DNAH10: variants seen among roughly 807,000 people sequenced by gnomAD.
DNAH10 encodes axonemal beta dynein heavy chain 10.
In DNAH10, 348 loss-of-function variants were observed where a neutral mutation model predicts 506.6. The ratio of observed to expected loss-of-function variants is 0.69; its 90% CI spans 0.63 to 0.75. DNAH10 has a LOEUF of 0.75. Among genes scored for constraint, DNAH10 ranks in the 30% least tolerant of loss-of-function variants. The probability of loss-of-function intolerance (pLI) is 0.00; values close to 1 mark genes in which losing one functional copy is unlikely to be tolerated. For missense variants in DNAH10, 5,179 were observed against 5,787.1 expected (o/e 0.89, Z 3.41); for synonymous variants, 2,059 against 2,198.6 (o/e 0.94, Z 1.78).
At chr12:123,867,811 C>G in intron 42 of DNAH10, 92 bp from the exon 43 acceptor site, 1 of 1,405,278 alleles carries the variant, frequency 7.1e-7, no homozygotes, top group Non-Finnish European at 9.8e-7. Context: ...GCTCCCATCG[C>G]TCTGGGACCT....
chr12:123,808,646 G>A (rs1469025998), intron 18 of DNAH10, 151 bp from the exon 19 acceptor site: 4 of 735,578 alleles, frequency 5.4e-6, no homozygotes, highest in Non-Finnish European at 9.0e-6. Flanking sequence ...AGTATTTTAA[G>A]TAAGACTCAC....
At chr12:123,893,583 G>A in intron 53 of DNAH10, 147 bp downstream of exon 53, 1 of 871,048 alleles carries the variant, frequency 1.1e-6, no homozygotes, top group Non-Finnish European at 1.8e-6. Context: ...ACTGTAGCTT[G>A]GGGCTCACTG....
Position 123,853,307 on chromosome 12 carries a change from G to T in DNAH10, c.6393G>T (p.Leu2131=), listed in dbSNP as rs772609937. The T allele has an allele frequency of 6.2e-7, 1 of 1,612,422 alleles. No individual in the cohort carries two copies. The highest frequency in any genetic ancestry group is 8.5e-7 in the Non-Finnish European group (1 of 1,179,264). The change falls in exon 36 of 79, where the codon CTG becomes CTT. Residue 2131 remains leucine, a synonymous_variant. Coordinates refer to ENST00000673944, the MANE Select transcript of DNAH10 (RefSeq NM_001372106.1). The surrounding 1 kb of genome is among the most constrained non-coding windows in gnomAD (Gnocchi z 4.7). ...DFGLRALKSV[L]VMAGELKRGS... is the part of the protein sequence containing the mutation. ...GACTCAGAGCCCTGAAATCGGTGCT[G>T]GTCATGGCTGGTGAGCTGAAGAGAG...
chr12:123,848,713 CAT>C lies in DNAH10; in HGVS notation c.5950-16_5950-15del, dbSNP rs779844394. 1.9e-6 allele frequency: 3 copies of C among 1,613,634 alleles called. No homozygotes were observed. In the Admixed American group the frequency reaches 5.0e-5, roughly 27 times the overall value. ...AAGATGAAAATTGCCCTTGTCCTGACATGTCTTTCTTCCTAGGCCGTGGGGAA... is the reference window on the plus strand; with the variant it reads ...AAGATGAAAATTGCCCTTGTCCTGACGTCTTTCTTCCTAGGCCGTGGGGAA... On this transcript the variant is annotated splice_polypyrimidine_tract_variant and intron_variant, in intron 33 of 78. Transcript: ENST00000673944.
At chr12:123,829,677 A>G (rs1011919848) in intron 25 of DNAH10, among the ~76,000 whole-genome samples, 3 of 152,148 alleles carry the variant, frequency 2.0e-5, no homozygotes, top group African/African-American at 4.8e-5. Flanking sequence ...CCGATGAACC[A>G]GTAGGGCCTC....
chr12:123,837,089 G>A (rs954588414), intron 28 of DNAH10, among the ~76,000 whole-genome samples: 18 of 148,702 alleles, frequency 1.2e-4, no homozygotes, highest in Non-Finnish European at 2.5e-4. Context: ...CTGACCTCAT[G>A]ATCTGCCCAC....
At chr12:123,921,554 G>A (rs945405134) in intron 65 of DNAH10, among the ~76,000 whole-genome samples, 3 of 152,096 alleles carry the variant, frequency 2.0e-5, no homozygotes, top group Non-Finnish European at 4.4e-5. Flanking sequence ...ACTTCCAAAG[G>A]ATCTGGTACT....
In DNAH10 at chr12:123,787,116, A is replaced by G. The variant is rs1370957870; in HGVS notation, c.1422-688A>G. Among the ~76,000 whole-genome samples the G allele has an allele frequency of 3.9e-5, 6 of 152,166 alleles. No homozygotes were observed. The highest frequency in any genetic ancestry group is 7.2e-5 in the African/African-American group (3 of 41,430). ...ATTGCACCTGTCTATATCTGTATCT[A>G]TATCATCATCTAGCGATCTATCTAG... On this transcript the variant is annotated intron_variant, in intron 9 of 78. Transcript: ENST00000673944. The surrounding 1 kb of genome is among the most constrained non-coding windows in gnomAD (Gnocchi z 4.6).
chr12:123,928,947 A>G lies in DNAH10; in HGVS notation c.12307-328A>G, dbSNP rs923863467. 4.8e-5 allele frequency: 22 copies of G among 458,030 alleles called. No homozygotes were observed. The highest frequency in any genetic ancestry group is 7.7e-5 in the Non-Finnish European group (20 of 259,838). 28.4% of individuals were successfully genotyped at this position (458,030 alleles called of 1,614,324 possible). A position where few individuals can be genotyped will look rare whatever the true frequency, so the allele number is the denominator to read the frequency against. On this transcript the variant is annotated intron_variant, in intron 70 of 78. Transcript: ENST00000673944. This position sits in a 1 kb window ranked among gnomAD's most constrained non-coding sequence, Gnocchi z 4.9. Reference sequence around the variant, plus strand: ...TGCCCCATTTAATTTATTCTCCGGGAAATTCTTTTGGAAAGGTTTTGTCAT... The same window carrying G: ...TGCCCCATTTAATTTATTCTCCGGGGAATTCTTTTGGAAAGGTTTTGTCAT...
At chr12:123,802,792 G>C (rs565678612) in intron 16 of DNAH10, among the ~76,000 whole-genome samples, 35 of 148,978 alleles carry the variant, frequency 2.3e-4, no homozygotes, top group African/African-American at 8.4e-4. Flanking sequence ...TCATGGTTCT[G>C]ATTTGACTTC....
At chr12:123,849,546 A>G (rs1565989963) in intron 34 of DNAH10, among the ~76,000 whole-genome samples, 1 of 152,132 alleles carries the variant, frequency 6.6e-6, no homozygotes. Context: ...CCATTTCCCT[A>G]CACCGGGGTC....
At chr12:123,847,143 TATCC>T (rs57589181) in intron 32 of DNAH10, among the ~76,000 whole-genome samples, 15,917 of 144,798 alleles carry the variant, frequency 0.11, 1,513 homozygotes, top group African/African-American at 0.25. Context: ...TCCATCTACA[TATCC>T]ATCCATCCAT....
chr12:123,899,131 G>A (rs1459216811), intron 56 of DNAH10, among the ~76,000 whole-genome samples: 1 of 152,150 alleles, frequency 6.6e-6, no homozygotes, highest in East Asian at 1.9e-4. Context: ...GGTGAACTAA[G>A]TCCGTGGGGT....
intron 52 of DNAH10, among the ~76,000 whole-genome samples, chr12:123,888,235 G>T (rs1448189591): frequency 6.6e-6 from 1 of 151,992 alleles, no homozygotes; most frequent in Admixed American, 6.6e-5. Context: ...AAAAGCAACT[G>T]AAAAACAATC....
At chr12:123,775,829 C>T (rs1362843720) in intron 5 of DNAH10, among the ~76,000 whole-genome samples, 1 of 152,184 alleles carries the variant, frequency 6.6e-6, no homozygotes, top group East Asian at 1.9e-4. Flanking sequence ...AGTCCATTTT[C>T]ATGCTGCTGT....
intron 2 of DNAH10, among the ~76,000 whole-genome samples, chr12:123,770,268 A>ACT (rs763621560): frequency 1.3e-5 from 2 of 151,238 alleles, no homozygotes; most frequent in East Asian, 3.9e-4. Context: ...TTTTTTTAAA[A>ACT]TTTTTTTTGT....
rs747420546 is a variant in DNAH10, at chr12:123,812,565, G to A, written c.3145-599G>A. Among the ~76,000 whole-genome samples the A allele has an allele frequency of 9.2e-5, 14 of 152,346 alleles. No homozygotes were observed. The South Asian group carries it at 1.2e-3, about 14-fold the overall frequency. ...CACTAAGCAGTCAATTTGCCTGAAT[G>A]TGTGTTTTTTCCTCTGTAAATATGG... On this transcript the variant is annotated intron_variant, in intron 19 of 78. Coordinates refer to ENST00000673944, the MANE Select transcript of DNAH10 (RefSeq NM_001372106.1).
intron 14 of DNAH10, 101 bp downstream of exon 14, chr12:123,799,472 G>C (rs1031891135): frequency 2.1e-5 from 31 of 1,457,248 alleles, no homozygotes; most frequent in South Asian, 3.0e-5. Flanking sequence ...AGTTGGGTCA[G>C]TTTCCAGAAT....
chr12:123,809,130 C>T (rs1286858926), intron 19 of DNAH10, among the ~76,000 whole-genome samples, 177 bp downstream of exon 19: 1 of 152,168 alleles, frequency 6.6e-6, no homozygotes, highest in Non-Finnish European at 1.5e-5. Context: ...CAACATCAAA[C>T]CAACTGCTTG....
Sources: allele counts gnomAD v4.1 joint callset (sites outside exome capture counted in the v4.1 genomes callset), GRCh38; gene constraint gnomAD v4.1.1; non-coding constraint Gnocchi (gnomAD v3.1); transcripts MANE v1.5; gene names NCBI Gene and HGNC (gene_info 2026-07-23, HGNC 2026-07-21).